The following TUT4 variants were observed in gnomAD, a reference collection of about 807,000 sequenced individuals.
TUT4 encodes the protein terminal uridylyl transferase 4, also known as terminal uridylyltransferase 4.
Under a neutral mutation model 192.2 loss-of-function variants are expected in TUT4, and 36 were observed. The ratio of observed to expected loss-of-function variants is 0.19; its 90% CI spans 0.14 to 0.25. TUT4 has a LOEUF of 0.25. Among genes scored for constraint, TUT4 ranks in the 10% least tolerant of loss-of-function variants. The pLI is 1.00. For synonymous variants in TUT4, 618 were observed against 666.0 expected (o/e 0.93, Z 1.11); for missense variants, 1,493 against 1,957.2 (o/e 0.76, Z 4.47).
At chr1:52,463,194 A>G (rs1038997336) in intron 16 of TUT4, 1 of 983,874 alleles carries the variant, frequency 1.0e-6, no homozygotes, top group African/African-American at 1.7e-5. Flanking sequence ...CTTAGTGATT[A>G]GAAGTTTAAT....
At chr1:52,530,220 T>A (rs998690627) in intron 1 of TUT4, among the ~76,000 whole-genome samples, 5 of 142,430 alleles carry the variant, frequency 3.5e-5, no homozygotes, top group African/African-American at 1.3e-4. Flanking sequence ...GACCACGCCA[T>A]TGCACTCCAG....
Position 52,445,777 on chromosome 1 carries a change from G to A in TUT4, c.3822+10C>T. 4 of 1,583,574 alleles carry A rather than the reference G, an allele frequency of 2.5e-6. No homozygotes were observed. The highest frequency in any genetic ancestry group is 3.4e-6 in the Non-Finnish European group (4 of 1,160,366). On this transcript the variant is annotated intron_variant, in intron 24 of 29. Transcript: ENST00000257177. The stretch of plus-strand genomic sequence containing the variant: ...AGAAAAGATTCACAATTCATATAAT[G>A]TAAACTTACAGCTTCTCTGCCAATG...
intron 24 of TUT4, among the ~76,000 whole-genome samples, chr1:52,443,740 G>C (rs967719718): frequency 1.3e-5 from 2 of 150,874 alleles, no homozygotes; most frequent in East Asian, 4.0e-4. Context: ...TCCAGCCTGG[G>C]GACAAGAGCA....
At chr1:52,511,251 C>T (rs1391795638) in intron 3 of TUT4, among the ~76,000 whole-genome samples, 1 of 152,160 alleles carries the variant, frequency 6.6e-6, no homozygotes, top group Non-Finnish European at 1.5e-5. Flanking sequence ...GAAAAGTTGG[C>T]TCAATCTAGT....
chr1:52,507,131 G>C (rs574382431), intron 4 of TUT4, among the ~76,000 whole-genome samples: 5 of 152,154 alleles, frequency 3.3e-5, no homozygotes, highest in Admixed American at 1.3e-4. Context: ...CCAATCACTG[G>C]TCTAATTTCC....
At chr1:52,460,019 G>A (rs915418340) in intron 19 of TUT4, among the ~76,000 whole-genome samples, 3 of 152,140 alleles carry the variant, frequency 2.0e-5, no homozygotes, top group Admixed American at 6.5e-5. Flanking sequence ...TATATTTAAA[G>A]GGAAAAGGGG....
intron 1 of TUT4, among the ~76,000 whole-genome samples, chr1:52,534,471 G>A (rs913401978): frequency 4.6e-5 from 7 of 152,108 alleles, no homozygotes; most frequent in African/African-American, 1.7e-4. Context: ...TTGGACCCCC[G>A]TAAACTCCAA....
intron 9 of TUT4, among the ~76,000 whole-genome samples, chr1:52,483,894 T>C (rs1669125230): frequency 1.3e-5 from 2 of 152,182 alleles, no homozygotes; most frequent in Non-Finnish European, 2.9e-5. Flanking sequence ...GCAGCTGATG[T>C]AGTCCCAGCT....
At chr1:52,461,673 AATTT>A (rs766171392) in intron 17 of TUT4, 35 bp downstream of exon 17, 7 of 1,549,624 alleles carry the variant, frequency 4.5e-6, no homozygotes, top group Non-Finnish European at 6.1e-6. Flanking sequence ...ATGCTAAAAA[AATTT>A]ATTTTGTTTT....
chr1:52,471,017 T>TTC (rs1194207580), intron 14 of TUT4, among the ~76,000 whole-genome samples: 2 of 145,758 alleles, frequency 1.4e-5, no homozygotes, highest in African/African-American at 5.2e-5. Context: ...GCTTTTTTTT[T>TTC]TTTTTTTTTT....
At chr1:52,504,459 G>A (rs919899027) in intron 4 of TUT4, among the ~76,000 whole-genome samples, 14 of 152,050 alleles carry the variant, frequency 9.2e-5, no homozygotes, top group South Asian at 4.2e-4. Context: ...GTGAAACCCC[G>A]TCTCTACTAA....
chr1:52,436,779 G>A lies in TUT4; in HGVS notation c.4138C>T (p.Arg1380Cys), dbSNP rs182969283. 4.3e-6 allele frequency: 7 copies of A among 1,613,488 alleles called. No individual in the cohort carries two copies. Among genetic ancestry groups the A allele is most frequent in the South Asian group, 2.2e-5 (2 of 91,048 alleles). ...RRECPEVKLA[R>C]QRNSSVAAAQ... is the part of the protein sequence containing the mutation. ...CCTGCCACACTGCTATTCCTCTGAC[G>A]GGCCAGCTTGACCTCTGGGCACTCC... The change falls in exon 26 of 30, where the codon CGT (arginine) becomes TGT (cysteine). Residue 1380 changes from arginine (R) to cysteine (C), a missense_variant. Transcript: ENST00000257177.
chr1:52,499,182 T>G (rs1673423600), intron 4 of TUT4, among the ~76,000 whole-genome samples: 1 of 151,650 alleles, frequency 6.6e-6, no homozygotes, highest in African/African-American at 2.4e-5. Flanking sequence ...GTGGATTGCT[T>G]GAGGTCAGGA....
intron 9 of TUT4, among the ~76,000 whole-genome samples, chr1:52,488,274 T>A (rs1212956725): frequency 1.3e-5 from 2 of 152,200 alleles, no homozygotes; most frequent in Non-Finnish European, 2.9e-5. Context: ...AAGTGATGAA[T>A]ACTCTACCGA....
chr1:52,435,549 A>C, intron 26 of TUT4, 84 bp from the exon 27 acceptor site: 2 of 1,012,936 alleles, frequency 2.0e-6, no homozygotes, highest in African/African-American at 1.6e-5. Flanking sequence ...TCTTATGTAA[A>C]AGAATCTCAA....
intron 3 of TUT4, among the ~76,000 whole-genome samples, chr1:52,510,317 C>CAAAAAAAAAAAAAA (rs200690805): frequency 2.5e-5 from 2 of 78,624 alleles, no homozygotes; most frequent in Non-Finnish European, 5.2e-5. Context: ...TTCGTATTAA[C>CAAAAAAAAAAAAAA]AAAAAAAAAA....
chr1:52,494,518 C>T (rs1671979984), intron 6 of TUT4, among the ~76,000 whole-genome samples: 1 of 152,046 alleles, frequency 6.6e-6, no homozygotes, highest in Non-Finnish European at 1.5e-5. Flanking sequence ...AAGGTGAAAC[C>T]CCGTTTCTAC....
intron 20 of TUT4, among the ~76,000 whole-genome samples, chr1:52,449,062 C>T (rs1366768194): frequency 6.6e-6 from 1 of 151,622 alleles, no homozygotes; most frequent in African/African-American, 2.4e-5. Context: ...ATGCTATACA[C>T]TTTTACACAC....
At chr1:52,444,291 T>G (rs554907542) in intron 24 of TUT4, among the ~76,000 whole-genome samples, 39 of 152,346 alleles carry the variant, frequency 2.6e-4, no homozygotes, top group African/African-American at 9.1e-4. Flanking sequence ...TTTTTACATT[T>G]TTTGCATTGT....
Sources: allele counts gnomAD v4.1 joint callset (sites outside exome capture counted in the v4.1 genomes callset), GRCh38; gene constraint gnomAD v4.1.1; transcripts MANE v1.5; gene names NCBI Gene and HGNC (gene_info 2026-07-23, HGNC 2026-07-21).